The following PACRG variants were observed in gnomAD, a reference collection of about 807,000 sequenced individuals.
PACRG encodes parkin coregulated gene protein.
A neutral mutation model predicts 29.7 loss-of-function variants in PACRG; 29 were observed. The ratio of observed to expected loss-of-function variants is 0.98; its 90% CI spans 0.73 to 1.33. The LOEUF (loss-of-function observed/expected upper bound fraction) is 1.33, where lower values mean the gene tolerates loss of function less well. PACRG is among the 40% of genes most tolerant of loss of function. The pLI is 0.00. For synonymous variants in PACRG, 116 were observed against 118.7 expected (o/e 0.98, Z 0.15); for missense variants, 279 against 316.2 (o/e 0.88, Z 0.89).
intron 1 of PACRG, among the ~76,000 whole-genome samples, chr6:162,784,902 T>A (rs912454637): frequency 4.6e-5 from 7 of 151,958 alleles, no homozygotes; most frequent in African/African-American, 1.7e-4. Flanking sequence ...CACAGAAAAA[T>A]GGGAATGGAG....
chr6:163,270,459 C>G (rs540431824), intron 4 of PACRG, among the ~76,000 whole-genome samples: 1 of 152,210 alleles, frequency 6.6e-6, no homozygotes, highest in African/African-American at 2.4e-5. Flanking sequence ...CTGTCTCAAA[C>G]TCCTGGGATC....
At chr6:162,822,074 T>C (rs1296730423) in intron 2 of PACRG, among the ~76,000 whole-genome samples, 1 of 152,218 alleles carries the variant, frequency 6.6e-6, no homozygotes, top group African/African-American at 2.4e-5. Context: ...TGATAATTTT[T>C]AAGGAACTCA....
At chr6:163,058,527 C>T (rs1810794521) in intron 2 of PACRG, among the ~76,000 whole-genome samples, 1 of 152,084 alleles carries the variant, frequency 6.6e-6, no homozygotes, top group Non-Finnish European at 1.5e-5. Flanking sequence ...AATCCCATCA[C>T]TTTGGGAGGC....
At chr6:162,886,539 C>T (rs62429014) in intron 2 of PACRG, among the ~76,000 whole-genome samples, 27,418 of 152,234 alleles carry the variant, frequency 0.18, 3,179 homozygotes, top group Non-Finnish European at 0.25. Flanking sequence ...GTGGGACTCT[C>T]ATTGATGTGG....
intron 4 of PACRG, among the ~76,000 whole-genome samples, chr6:163,204,704 A>G (rs1488989342): frequency 2.0e-5 from 3 of 152,200 alleles, no homozygotes; most frequent in African/African-American, 7.2e-5. Flanking sequence ...TGGGAGGTGC[A>G]TAAGAAATGT....
chr6:163,098,420 C>G (rs1374691182), intron 4 of PACRG, among the ~76,000 whole-genome samples: 1 of 152,160 alleles, frequency 6.6e-6, no homozygotes, highest in Admixed American at 6.5e-5. Flanking sequence ...CCTGACTCCG[C>G]CCCCACTAGC....
At position 162,733,329 on chromosome 6, in the gene PACRG, G is replaced by A. The variant is rs146705617; in HGVS notation, c.156+4938G>A. On this transcript the variant is annotated intron_variant, in intron 1 of 4. Coordinates refer to ENST00000366888, the MANE Select transcript of PACRG (RefSeq NM_001080379.2). ...TTTTATCTCCTTATGTAAATTCTCCGTGAGGGCAGTATCCACATCTAAGTC... is the reference window on the plus strand; with the variant it reads ...TTTTATCTCCTTATGTAAATTCTCCATGAGGGCAGTATCCACATCTAAGTC... 1.4e-3 allele frequency among the ~76,000 whole-genome samples: 213 copies of A among 152,240 alleles called. 2 individuals carry two copies. Among genetic ancestry groups the A allele is most frequent in the South Asian group, 0.013 (64 of 4,828 alleles).
intron 2 of PACRG, among the ~76,000 whole-genome samples, chr6:163,009,425 A>G (rs777303868): frequency 3.3e-5 from 5 of 152,216 alleles, no homozygotes; most frequent in Admixed American, 1.3e-4. Context: ...CATCACTTCA[A>G]TTTATCCTGT....
intron 2 of PACRG, among the ~76,000 whole-genome samples, chr6:162,838,163 A>G (rs1473677371): frequency 3.3e-5 from 5 of 152,134 alleles, no homozygotes; most frequent in Admixed American, 6.5e-5. Flanking sequence ...TTTTTCAGGT[A>G]TAGGAGTTTA....
At chr6:162,855,178 G>A (rs149969407) in intron 2 of PACRG, among the ~76,000 whole-genome samples, 5 of 152,204 alleles carry the variant, frequency 3.3e-5, no homozygotes, top group Admixed American at 2.0e-4. Flanking sequence ...TGGAGATAAT[G>A]CCCAGCGCTG....
chr6:163,096,476 C>T (rs536195334), intron 4 of PACRG, among the ~76,000 whole-genome samples: 2 of 152,360 alleles, frequency 1.3e-5, no homozygotes, highest in African/African-American at 4.8e-5. Context: ...AAGCATGCAG[C>T]TGCCGAGCAC....
chr6:162,856,116 G>C (rs1024206972), intron 2 of PACRG, among the ~76,000 whole-genome samples: 4 of 152,122 alleles, frequency 2.6e-5, no homozygotes, highest in African/African-American at 9.7e-5. Context: ...GAGTGCAGTG[G>C]TGTGATTACA....
chr6:163,079,791 A>C (rs116407889), intron 3 of PACRG, among the ~76,000 whole-genome samples: 2,460 of 151,302 alleles, frequency 0.016, 75 homozygotes, highest in African/African-American at 0.056. Flanking sequence ...GAGCCTGTGC[A>C]CATTGTATCT....
In PACRG at chr6:162,885,439, T is replaced by C. The variant is rs553258755; in HGVS notation, c.291+71158T>C. 5.3e-4 allele frequency among the ~76,000 whole-genome samples: 80 copies of C among 152,146 alleles called. No individual in the cohort carries two copies. The South Asian group carries it at 0.016, about 30-fold the overall frequency. On this transcript the variant is annotated intron_variant, in intron 2 of 4. Coordinates refer to ENST00000366888, the MANE Select transcript of PACRG (RefSeq NM_001080379.2). ...AGCGTGCCACAACACCTGGATAGTT[T>C]TTGTATTTTTTGGTAGAGATAAGGT...
intron 2 of PACRG, among the ~76,000 whole-genome samples, chr6:162,947,371 TATAATC>T: frequency 3.1e-5 from 1 of 32,358 alleles, no homozygotes; most frequent in African/African-American, 7.6e-5. Flanking sequence ...TGTAATCATA[TATAATC>T]ATATATATAA....
At chr6:163,289,302 C>A (rs1418256758) in intron 4 of PACRG, among the ~76,000 whole-genome samples, 3 of 152,134 alleles carry the variant, frequency 2.0e-5, no homozygotes, top group African/African-American at 7.2e-5. Context: ...TGCGTTAGAA[C>A]CTAATCAGTT....
chr6:162,863,424 C>T (rs1792032138), intron 2 of PACRG, among the ~76,000 whole-genome samples: 1 of 152,202 alleles, frequency 6.6e-6, no homozygotes, highest in Non-Finnish European at 1.5e-5. Flanking sequence ...CACCTTGTTA[C>T]TATTTGTAAG....
intron 2 of PACRG, among the ~76,000 whole-genome samples, chr6:163,038,776 G>A (rs1458435310): frequency 6.6e-6 from 1 of 152,124 alleles, no homozygotes; most frequent in Non-Finnish European, 1.5e-5. Context: ...CTGTTACAGA[G>A]GGTTTAATTC....
chr6:163,056,826 G>C (rs1344843570), intron 2 of PACRG, among the ~76,000 whole-genome samples: 1 of 152,112 alleles, frequency 6.6e-6, no homozygotes, highest in Non-Finnish European at 1.5e-5. Flanking sequence ...CCCCTCTAAT[G>C]CAGCTCTTAC....
Sources: allele counts gnomAD v4.1 joint callset (sites outside exome capture counted in the v4.1 genomes callset), GRCh38; gene constraint gnomAD v4.1.1; transcripts MANE v1.5; gene names NCBI Gene and HGNC (gene_info 2026-07-23, HGNC 2026-07-21).